SEMA3A: variants seen among roughly 807,000 people sequenced by gnomAD.
SEMA3A encodes the protein semaphorin 3A.
In SEMA3A, 29 loss-of-function variants were observed where a neutral mutation model predicts 97.9. The observed-to-expected ratio is 0.30, with a 90% CI of 0.22 to 0.40. SEMA3A has a LOEUF of 0.40. Ranked by LOEUF, SEMA3A falls within the 10% of genes least tolerant of loss-of-function variation. The probability of loss-of-function intolerance (pLI) is 1.00; values close to 1 mark genes in which losing one functional copy is unlikely to be tolerated. For missense variants in SEMA3A, 763 were observed against 951.3 expected (o/e 0.80, Z 2.60); for synonymous variants, 321 against 323.7 (o/e 0.99, Z 0.09).
chr7:84,350,633 T>C (rs1318210796), intron 2 of SEMA3A, among the ~76,000 whole-genome samples: 3 of 152,284 alleles, frequency 2.0e-5, no homozygotes, highest in Middle Eastern at 3.4e-3. Context: ...TTCATTTACC[T>C]TGTTTAAAAA....
intron 1 of SEMA3A, among the ~76,000 whole-genome samples, chr7:84,138,244 T>C (rs1014381157): frequency 2.6e-5 from 4 of 152,114 alleles, no homozygotes; most frequent in African/African-American, 9.7e-5. Flanking sequence ...TAACCTATCT[T>C]ACTAAGTGTC....
chr7:84,319,060 T>C (rs1349801337), intron 2 of SEMA3A, among the ~76,000 whole-genome samples: 1 of 152,218 alleles, frequency 6.6e-6, no homozygotes, highest in African/African-American at 2.4e-5. Context: ...AAATGCCTAA[T>C]ACCTATTGGT....
chr7:84,117,182 AAC>A, intron 3 of SEMA3A, among the ~76,000 whole-genome samples: 1 of 152,296 alleles, frequency 6.6e-6, no homozygotes, highest in South Asian at 2.1e-4. Context: ...TTTGTATGCA[AAC>A]CATATGTATA....
intron 2 of SEMA3A, among the ~76,000 whole-genome samples, chr7:84,129,396 C>G (rs908202867): frequency 1.3e-5 from 2 of 152,086 alleles, no homozygotes; most frequent in Non-Finnish European, 2.9e-5. Context: ...ATAGCCTTTG[C>G]TATATATAAA....
chr7:84,449,514 A>C (rs1288997546), intron 1 of SEMA3A, among the ~76,000 whole-genome samples: 1 of 152,210 alleles, frequency 6.6e-6, no homozygotes, highest in African/African-American at 2.4e-5. Flanking sequence ...ACATATAAAA[A>C]GATTAATAAG....
chr7:84,410,595 G>A (rs1401421455), intron 1 of SEMA3A, among the ~76,000 whole-genome samples: 4 of 152,148 alleles, frequency 2.6e-5, no homozygotes, highest in South Asian at 2.1e-4. Context: ...AAATGTAGTA[G>A]TTGTGGCCTT....
At chr7:84,368,730 A>G (rs1166461503) in intron 2 of SEMA3A, among the ~76,000 whole-genome samples, 1 of 150,900 alleles carries the variant, frequency 6.6e-6, no homozygotes, top group African/African-American at 2.4e-5. Flanking sequence ...AATATATACA[A>G]TTTATCTCAC....
chr7:84,355,731 T>A (rs975874262), intron 2 of SEMA3A, among the ~76,000 whole-genome samples: 2 of 151,850 alleles, frequency 1.3e-5, no homozygotes, highest in African/African-American at 4.8e-5. Flanking sequence ...AAAAATTATG[T>A]TTGCTCAATT....
intron 12 of SEMA3A, among the ~76,000 whole-genome samples, chr7:83,991,246 A>G (rs1789912563): frequency 6.6e-6 from 1 of 152,058 alleles, no homozygotes; most frequent in Admixed American, 6.6e-5. Context: ...TTCTAGATAT[A>G]CGATCATGTC....
chr7:84,042,525 C>T (rs1792173286), intron 6 of SEMA3A, among the ~76,000 whole-genome samples: 1 of 152,012 alleles, frequency 6.6e-6, no homozygotes, highest in Admixed American at 6.6e-5. Context: ...AAGCGTGCTC[C>T]ACCCAACAGA....
intron 1 of SEMA3A, among the ~76,000 whole-genome samples, chr7:84,140,965 G>C (rs1441744768): frequency 6.6e-6 from 1 of 152,090 alleles, no homozygotes; most frequent in Non-Finnish European, 1.5e-5. Context: ...AAATAAATTT[G>C]CATAATGGAA....
rs571741967 is a variant in SEMA3A at position 84,060,773 on chromosome 7, C to A, written c.454-215G>T. Among the ~76,000 whole-genome samples the A allele has an allele frequency of 6.6e-5, 10 of 152,262 alleles. No individual in the cohort carries two copies. The East Asian group carries it at 9.6e-4, about 15-fold the overall frequency. On this transcript the variant is annotated intron_variant, in intron 4 of 16. Transcript: ENST00000265362. ...TACTTAGCTTAATGATATTTAGTAG[C>A]AGTTAGCACGTTGCAAACAATAATG...
chr7:84,361,440 T>C (rs1241079222), intron 2 of SEMA3A, among the ~76,000 whole-genome samples: 1 of 152,030 alleles, frequency 6.6e-6, no homozygotes, highest in African/African-American at 2.4e-5. Flanking sequence ...GGAAAGCTAT[T>C]GCAAGGTAGA....
At chr7:84,243,815 T>C (rs182346822) in intron 3 of SEMA3A, among the ~76,000 whole-genome samples, 2 of 152,308 alleles carry the variant, frequency 1.3e-5, no homozygotes, top group African/African-American at 4.8e-5. Context: ...TTGTCATTGG[T>C]TTCAAAGAAC....
intron 3 of SEMA3A, among the ~76,000 whole-genome samples, chr7:84,250,268 T>G (rs1315655275): frequency 2.0e-5 from 3 of 151,930 alleles, no homozygotes; most frequent in Non-Finnish European, 4.4e-5. Context: ...TTTTTTTTCA[T>G]CTGTGGTTTA....
At chr7:84,045,576 G>A (rs575364506) in intron 6 of SEMA3A, among the ~76,000 whole-genome samples, 2 of 151,564 alleles carry the variant, frequency 1.3e-5, no homozygotes, top group Non-Finnish European at 2.9e-5. Flanking sequence ...TTTTGAATAA[G>A]AGTAGTATTT....
At chr7:84,443,711 ACT>A (rs1805332472) in intron 1 of SEMA3A, among the ~76,000 whole-genome samples, 1 of 152,036 alleles carries the variant, frequency 6.6e-6, no homozygotes, top group Admixed American at 6.5e-5. Flanking sequence ...TTCTCAAAAC[ACT>A]CTCATAATCA....
rs187063496 is a variant in SEMA3A at position 84,091,139 on chromosome 7, G to A, written c.453+19331C>T. On this transcript the variant is annotated intron_variant, in intron 4 of 16. Coordinates refer to ENST00000265362, the MANE Select transcript of SEMA3A (RefSeq NM_006080.3). ...GAAAGAAAAAGAAAGAAAGAAAGAAGGAAGGAAGGAAGGAAGGAAGGAAGG... is the reference window on the plus strand; with the variant it reads ...GAAAGAAAAAGAAAGAAAGAAAGAAAGAAGGAAGGAAGGAAGGAAGGAAGG... Among the ~76,000 whole-genome samples, 140 of 23,978 alleles carry A rather than the reference G, an allele frequency of 5.8e-3. 3 individuals carry two copies. The highest frequency in any genetic ancestry group is 0.022 in the Middle Eastern group (1 of 46). The allele number at this position is 23,978 out of a possible 152,430, so 15.7% of individuals were successfully genotyped here.
At chr7:84,043,698 A>C (rs1471882941) in intron 6 of SEMA3A, among the ~76,000 whole-genome samples, 1 of 152,086 alleles carries the variant, frequency 6.6e-6, no homozygotes, top group African/African-American at 2.4e-5. Flanking sequence ...GTTCTATCCC[A>C]AACATATCTG....
Sources: gnomAD v4.1 joint callset for allele counts (sites outside exome capture counted in the v4.1 genomes callset) on GRCh38, gnomAD v4.1.1 for gene constraint, MANE v1.5 for transcripts, NCBI Gene and HGNC (gene_info 2026-07-23, HGNC 2026-07-21) for gene names.